ROR1: variants seen among roughly 807,000 people sequenced by gnomAD.
ROR1 encodes ROR family WNT receptor 1, also known as inactive tyrosine-protein kinase transmembrane receptor ROR1.
In ROR1, 19 loss-of-function variants were observed where a neutral mutation model predicts 78.8. That is an observed-to-expected ratio of 0.24 (90% CI 0.17 to 0.35). ROR1 has a LOEUF of 0.35. Ranked by LOEUF, ROR1 falls within the 10% of genes least tolerant of loss-of-function variation. ROR1 has a pLI of 1.00. For missense variants in ROR1, 917 were observed against 1,177.8 expected, an observed-to-expected ratio of 0.78 and a Z score of 3.24; for synonymous variants, 386 against 433.6, an observed-to-expected ratio of 0.89 and a Z score of 1.36.
At chr1:63,785,000 G>A (rs192588649) in intron 1 of ROR1, among the ~76,000 whole-genome samples, 508 of 152,280 alleles carry the variant, frequency 3.3e-3, no homozygotes, top group Admixed American at 6.7e-3. Flanking sequence ...TTTCTCAAGG[G>A]CAGGGACTTT....
chr1:63,832,368 T>A (rs958298992), intron 1 of ROR1, among the ~76,000 whole-genome samples: 3 of 152,190 alleles, frequency 2.0e-5, no homozygotes, highest in African/African-American at 7.2e-5. Flanking sequence ...GACTGGGTAA[T>A]GTATAAGCAA....
intron 1 of ROR1, among the ~76,000 whole-genome samples, chr1:64,007,185 G>A (rs1646434586): frequency 6.6e-6 from 1 of 152,116 alleles, no homozygotes; most frequent in Non-Finnish European, 1.5e-5. Context: ...ATTTTTAGTG[G>A]CTACCTAGAG....
At chr1:63,925,170 C>A (rs942455197) in intron 1 of ROR1, among the ~76,000 whole-genome samples, 1 of 147,524 alleles carries the variant, frequency 6.8e-6, no homozygotes, top group African/African-American at 2.5e-5. Context: ...CCCTTCCCCC[C>A]ACCCCACAAC....
At chr1:63,807,169 A>G (rs1055880139) in intron 1 of ROR1, among the ~76,000 whole-genome samples, 3 of 152,214 alleles carry the variant, frequency 2.0e-5, no homozygotes, top group African/African-American at 7.2e-5. Context: ...GAGACTCTCC[A>G]TGGCAACCTG....
At chr1:64,156,385 C>T (rs1252068946) in intron 7 of ROR1, among the ~76,000 whole-genome samples, 1 of 152,136 alleles carries the variant, frequency 6.6e-6, no homozygotes, top group African/African-American at 2.4e-5. Context: ...GCACTGACTA[C>T]GACGGCCTCC....
At chr1:63,867,447 T>C (rs1230851919) in intron 1 of ROR1, among the ~76,000 whole-genome samples, 1 of 152,188 alleles carries the variant, frequency 6.6e-6, no homozygotes, top group Non-Finnish European at 1.5e-5. Context: ...CATTACTTAA[T>C]AGTCCCAGTC....
At chr1:63,933,544 G>C (rs571082526) in intron 1 of ROR1, among the ~76,000 whole-genome samples, 1 of 152,176 alleles carries the variant, frequency 6.6e-6, no homozygotes, top group Non-Finnish European at 1.5e-5. Flanking sequence ...TAACTCCATC[G>C]CAGAAGGGTT....
At chr1:64,173,066 G>T (rs912573258) in intron 8 of ROR1, among the ~76,000 whole-genome samples, 9 of 152,276 alleles carry the variant, frequency 5.9e-5, no homozygotes, top group African/African-American at 2.2e-4. Flanking sequence ...GGATTCATTT[G>T]TACCAAGTAA....
chr1:63,793,800 A>G (rs1644741340), intron 1 of ROR1, among the ~76,000 whole-genome samples: 1 of 152,192 alleles, frequency 6.6e-6, no homozygotes. Flanking sequence ...GAGCCGAGCC[A>G]TCCAGTCTGA....
intron 1 of ROR1, among the ~76,000 whole-genome samples, chr1:63,775,925 G>C (rs1209149045): frequency 1.3e-5 from 2 of 152,242 alleles, no homozygotes; most frequent in African/African-American, 4.8e-5. Flanking sequence ...AAATCCTAAT[G>C]AAATGTAAAC....
chr1:63,907,471 T>A (rs1271222615), intron 1 of ROR1, among the ~76,000 whole-genome samples: 1 of 152,248 alleles, frequency 6.6e-6, no homozygotes, highest in Non-Finnish European at 1.5e-5. Context: ...AAGTGGTAGC[T>A]GTTATTTTAT....
At chr1:63,912,461 A>G (rs1030348665) in intron 1 of ROR1, among the ~76,000 whole-genome samples, 1 of 152,154 alleles carries the variant, frequency 6.6e-6, no homozygotes, top group Non-Finnish European at 1.5e-5. Flanking sequence ...GTCTGAGGGA[A>G]GTGGAGAAAG....
rs1649854529 is a variant in ROR1, at chr1:64,158,960, CT to C, written c.1175-16del. 2 of 1,595,208 alleles carry C rather than the reference CT, an allele frequency of 1.3e-6. No homozygotes were observed. The highest frequency in any genetic ancestry group is 1.1e-5 in the South Asian group (1 of 90,578). Reference sequence around the variant, plus strand: ...TACTTTAAAGAGTATAACTTTTGCTCTTTTTCATTTCTGCACCCAGATTCAA... The same window carrying C: ...TACTTTAAAGAGTATAACTTTTGCTCTTTTCATTTCTGCACCCAGATTCAA... On this transcript the variant is annotated intron_variant, in intron 7 of 8. Transcript: ENST00000371079.
intron 1 of ROR1, among the ~76,000 whole-genome samples, chr1:63,803,190 C>T (rs1171790034): frequency 1.3e-5 from 2 of 152,114 alleles, no homozygotes; most frequent in African/African-American, 4.8e-5. Context: ...GCCTCTAATA[C>T]TTTGGGGCCA....
intron 4 of ROR1, among the ~76,000 whole-genome samples, chr1:64,126,125 C>T: frequency 6.6e-6 from 1 of 152,036 alleles, no homozygotes; most frequent in Non-Finnish European, 1.5e-5. Flanking sequence ...GGACAGAGAG[C>T]CAGGTGAAGA....
chr1:63,798,049 A>G (rs1644772294), intron 1 of ROR1, among the ~76,000 whole-genome samples: 2 of 152,138 alleles, frequency 1.3e-5, no homozygotes, highest in African/African-American at 4.8e-5. Flanking sequence ...GCTCTCATTG[A>G]GCTGAGAAGC....
chr1:64,071,862 G>A (rs1647006755), intron 4 of ROR1, among the ~76,000 whole-genome samples: 1 of 152,170 alleles, frequency 6.6e-6, no homozygotes, highest in Non-Finnish European at 1.5e-5. Flanking sequence ...CCATGTTCTA[G>A]GAGAGAGGGA....
intron 7 of ROR1, among the ~76,000 whole-genome samples, chr1:64,148,809 G>T (rs1414990869): frequency 6.6e-6 from 1 of 152,082 alleles, no homozygotes; most frequent in Non-Finnish European, 1.5e-5. Flanking sequence ...AAAGACAAAA[G>T]TTGGTTTGGG....
intron 1 of ROR1, among the ~76,000 whole-genome samples, chr1:63,989,504 C>A (rs960616271): frequency 1.3e-5 from 2 of 152,094 alleles, no homozygotes; most frequent in African/African-American, 4.8e-5. Context: ...TGAATTAAAA[C>A]CTACTTTGGT....
Sources: gnomAD v4.1 joint callset for allele counts (sites outside exome capture counted in the v4.1 genomes callset) on GRCh38, gnomAD v4.1.1 for gene constraint, MANE v1.5 for transcripts, NCBI Gene and HGNC (gene_info 2026-07-23, HGNC 2026-07-21) for gene names.